SNRPN: variants seen among roughly 807,000 people sequenced by gnomAD.
SNRPN encodes small nuclear ribonucleoprotein polypeptide N.
Under a neutral mutation model 25.2 loss-of-function variants are expected in SNRPN, and 7 were observed. The observed-to-expected ratio is 0.28, with a 90% CI of 0.16 to 0.52. SNRPN has a LOEUF of 0.52. Among genes scored for constraint, SNRPN ranks in the 20% least tolerant of loss-of-function variants. SNRPN has a pLI of 0.96. For missense variants in SNRPN, 196 were observed against 322.5 expected (o/e 0.61, Z 3.00); for synonymous variants, 124 against 110.6 (o/e 1.12, Z -0.76).
chr15:24,905,307 G>A (rs978292909), intron 2 of SNRPN, among the ~76,000 whole-genome samples: 1 of 151,722 alleles, frequency 6.6e-6, no homozygotes, highest in East Asian at 2.0e-4. Flanking sequence ...TCAGCAGTTC[G>A]AGACCAGCCT....
At chr15:24,881,798 T>C (rs1424425690) in intron 1 of SNRPN, among the ~76,000 whole-genome samples, 3 of 152,236 alleles carry the variant, frequency 2.0e-5, no homozygotes, top group African/African-American at 2.4e-5. Flanking sequence ...TTATCAGTTA[T>C]TCCTCAGCTT....
At chr15:24,841,757 T>C (rs980220429) in intron 2 of SNRPN, among the ~76,000 whole-genome samples, 1 of 152,184 alleles carries the variant, frequency 6.6e-6, no homozygotes, top group African/African-American at 2.4e-5. Flanking sequence ...AGCCTGACTC[T>C]TCCCATCTTC....
intron 2 of SNRPN, among the ~76,000 whole-genome samples, chr15:24,897,184 A>G (rs1325694935): frequency 6.6e-6 from 1 of 152,162 alleles, no homozygotes; most frequent in African/African-American, 2.4e-5. Context: ...AACGTAATAC[A>G]GGCCACTGAC....
At chr15:24,828,563 A>G (rs1203975206) in intron 1 of SNRPN, among the ~76,000 whole-genome samples, 3 of 152,142 alleles carry the variant, frequency 2.0e-5, no homozygotes, top group Non-Finnish European at 4.4e-5. Context: ...AACAAGAAAG[A>G]AAAAAGAAAG....
At chr15:24,943,348 TAGA>T in intron 3 of SNRPN, among the ~76,000 whole-genome samples, 1 of 152,166 alleles carries the variant, frequency 6.6e-6, no homozygotes, top group Non-Finnish European at 1.5e-5. Flanking sequence ...GCATGTTTTG[TAGA>T]ACCATCTGTA....
chr15:24,876,140 G>A (rs987249178), intron 1 of SNRPN, among the ~76,000 whole-genome samples: 1 of 152,014 alleles, frequency 6.6e-6, no homozygotes, highest in African/African-American at 2.4e-5. Flanking sequence ...CACTTATGCA[G>A]GTTCAAATCT....
At chr15:24,890,594 G>A (rs1008090102) in intron 2 of SNRPN, among the ~76,000 whole-genome samples, 4 of 152,052 alleles carry the variant, frequency 2.6e-5, no homozygotes, top group African/African-American at 4.8e-5. Context: ...CAGGAGAATC[G>A]CTTGAACCCA....
chr15:24,893,573 G>A (rs2057847839), intron 2 of SNRPN, among the ~76,000 whole-genome samples: 2 of 152,022 alleles, frequency 1.3e-5, no homozygotes, highest in South Asian at 4.1e-4. Context: ...AGCTGTGATT[G>A]TGCCACTACA....
At chr15:24,913,500 A>C (rs2059341620) in intron 2 of SNRPN, among the ~76,000 whole-genome samples, 1 of 152,058 alleles carries the variant, frequency 6.6e-6, no homozygotes, top group African/African-American at 2.4e-5. Flanking sequence ...AAAATTAGCC[A>C]GGCGTGGTGG....
At chr15:24,900,691 T>G (rs2058388564) in intron 2 of SNRPN, among the ~76,000 whole-genome samples, 1 of 152,126 alleles carries the variant, frequency 6.6e-6, no homozygotes, top group Non-Finnish European at 1.5e-5. Context: ...TGACATATAT[T>G]GGAAGAAACC....
In SNRPN at chr15:24,837,577, G is replaced by GC. The variant is rs577131607; in HGVS notation, c.-579+7673dup. Among the ~76,000 whole-genome samples, 1,263 of 151,858 alleles carry GC rather than the reference G, an allele frequency of 8.3e-3. 19 individuals carry two copies. The highest frequency in any genetic ancestry group is 8.1e-3 in the Non-Finnish European group (551 of 67,986). On this transcript the variant is annotated intron_variant, in intron 2 of 12. Transcript: ENST00000400100. The stretch of plus-strand genomic sequence containing the variant: ...GTAGAGACGGGGTTTCACCGTGTTA[G>GC]CTAGGATGGTCTCGATCTCCTGACT...
chr15:24,967,334 C>T (rs2075784532), intron 2 of SNRPN: 1 of 154,844 alleles, frequency 6.5e-6, no homozygotes, highest in Non-Finnish European at 1.4e-5. Context: ...GTGTCATCCT[C>T]TGACCCTAAA....
At chr15:24,881,801 C>T (rs2056713971) in intron 1 of SNRPN, among the ~76,000 whole-genome samples, 1 of 152,096 alleles carries the variant, frequency 6.6e-6, no homozygotes, top group Non-Finnish European at 1.5e-5. Flanking sequence ...TCAGTTATTC[C>T]TCAGCTTTAT....
At chr15:24,897,550 A>G (rs1260672304) in intron 2 of SNRPN, among the ~76,000 whole-genome samples, 1 of 152,148 alleles carries the variant, frequency 6.6e-6, no homozygotes. Context: ...ACACCACTGC[A>G]CTCCAGAATG....
At chr15:24,947,612 A>G (rs1343215155) in intron 3 of SNRPN, among the ~76,000 whole-genome samples, 1 of 152,236 alleles carries the variant, frequency 6.6e-6, no homozygotes, top group Non-Finnish European at 1.5e-5. Context: ...TGGGCAACAG[A>G]GTGAGACTCT....
At chr15:24,886,824 C>T (rs2150113869) in intron 2 of SNRPN, among the ~76,000 whole-genome samples, 1 of 152,292 alleles carries the variant, frequency 6.6e-6, no homozygotes, top group East Asian at 1.9e-4. Context: ...AGTTATTTCT[C>T]AGATGCATTT....
intron 3 of SNRPN, among the ~76,000 whole-genome samples, chr15:24,934,068 C>A (rs924651257): frequency 6.6e-6 from 1 of 151,972 alleles, no homozygotes; most frequent in African/African-American, 2.4e-5. Flanking sequence ...GAGGCCGAGG[C>A]GGGCGAATCA....
At chr15:24,858,567 C>T (rs552152726) in intron 1 of SNRPN, among the ~76,000 whole-genome samples, 100 of 151,512 alleles carry the variant, frequency 6.6e-4, no homozygotes, top group Non-Finnish European at 1.2e-3. Context: ...GAGGCTAAGG[C>T]GGGTGGATCA....
chr15:24,908,947 C>T, intron 2 of SNRPN: 3 of 1,301,902 alleles, frequency 2.3e-6, no homozygotes, highest in Non-Finnish European at 3.3e-6. Context: ...CAGCAGCCTG[C>T]TTCTGAGCTC....
Sources: gnomAD v4.1 joint callset for allele counts (sites outside exome capture counted in the v4.1 genomes callset) on GRCh38, gnomAD v4.1.1 for gene constraint, MANE v1.5 for transcripts, NCBI Gene and HGNC (gene_info 2026-07-23, HGNC 2026-07-21) for gene names.